Variants in RIIAD1 observed in about 807,000 individuals in gnomAD.
The protein encoded by RIIAD1 is regulatory subunit of type II PKA R-subunit domain containing 1, also known as RIIa domain-containing protein 1.
A neutral mutation model predicts 13.3 loss-of-function variants in RIIAD1; 15 were observed. The observed-to-expected ratio is 1.13, with a 90% CI of 0.76 to 1.74. RIIAD1 has a LOEUF of 1.74. RIIAD1 is among the 40% of genes most tolerant of loss of function. RIIAD1 has a pLI of 0.00. For synonymous variants in RIIAD1, 50 were observed against 43.3 expected (o/e 1.16, Z -0.61); for missense variants, 121 against 112.2 (o/e 1.08, Z -0.35).
intron 4 of RIIAD1, chr1:151,714,550 A>T (rs1673301837): frequency 6.9e-7 from 1 of 1,442,494 alleles, no homozygotes; most frequent in African/African-American, 1.4e-5. Context: ...TGCCACTTCT[A>T]TGGCCCTTCT....
At chr1:151,722,307 A>G in intron 2 of RIIAD1, 145 bp downstream of exon 2, 1 of 617,890 alleles carries the variant, frequency 1.6e-6, no homozygotes, top group Non-Finnish European at 2.9e-6. Flanking sequence ...ACCTTATGAC[A>G]CTTGGAAGAG....
At chr1:151,717,501 G>C (rs1409881819), upstream of RIIAD1, among the ~76,000 whole-genome samples, 3 of 152,364 alleles carry the variant, frequency 2.0e-5, no homozygotes, top group East Asian at 5.8e-4. Context: ...CGGAGGCGGC[G>C]CCGCGGGCGC....
chr1:151,716,001 A>G, intron 4 of RIIAD1: 1 of 1,613,546 alleles, frequency 6.2e-7, no homozygotes, highest in Non-Finnish European at 8.5e-7. Flanking sequence ...AAACAGCTTG[A>G]TGGCATCCGG....
At chr1:151,722,884 T>C (rs934788798) in intron 2 of RIIAD1, among the ~76,000 whole-genome samples, 1 of 152,228 alleles carries the variant, frequency 6.6e-6, no homozygotes, top group African/African-American at 2.4e-5. Flanking sequence ...ACACTTTTGC[T>C]GATCCTCCCA....
intron 2 of RIIAD1, among the ~76,000 whole-genome samples, chr1:151,722,706 A>T (rs1673760141): frequency 6.6e-6 from 1 of 152,252 alleles, no homozygotes; most frequent in African/African-American, 2.4e-5. Flanking sequence ...GACAAGGTTT[A>T]AATAATTATA....
intron 2 of RIIAD1, chr1:151,712,053 C>G (rs1378578862): frequency 1.3e-5 from 2 of 152,596 alleles, no homozygotes; most frequent in Admixed American, 1.3e-4. Flanking sequence ...GTGTCCCCTT[C>G]CCAGCCTCCT....
upstream of RIIAD1, chr1:151,721,443 C>T (rs1338689029): frequency 1.4e-6 from 1 of 699,306 alleles, no homozygotes; most frequent in Non-Finnish European, 2.0e-6. Context: ...CCCCTAGCCC[C>T]TGCTTCGCTG....
intron 2 of RIIAD1, among the ~76,000 whole-genome samples, chr1:151,727,340 C>T (rs966139773): frequency 2.6e-5 from 4 of 152,164 alleles, no homozygotes; most frequent in African/African-American, 7.2e-5. Context: ...AGCTCTTTCT[C>T]GACGTAAGCA....
In RIIAD1 at chr1:151,728,890, C is replaced by T. The variant is rs183409648; in HGVS notation, c.*54C>T. On this transcript the variant is annotated 3_prime_UTR_variant, in exon 4 of 5. Transcript: ENST00000479191. ...GGAGAGACCAGACGGAATCCAGCCT[C>T]GGGGTGGGTGTTAACCTCACTTACA... 46 of 1,009,206 alleles carry T rather than the reference C, an allele frequency of 4.6e-5. No individual in the cohort carries two copies. The African/African-American group carries it at 6.2e-4, about 14-fold the overall frequency. 62.5% of individuals were successfully genotyped at this position (1,009,206 alleles called of 1,614,324 possible).
At chr1:151,714,196 C>T (rs1673264516) in intron 3 of RIIAD1, among the ~76,000 whole-genome samples, 1 of 152,164 alleles carries the variant, frequency 6.6e-6, no homozygotes, top group African/African-American at 2.4e-5. Context: ...CCTCATCTCA[C>T]AGCCACCCAG....
intron 4 of RIIAD1, chr1:151,716,176 T>C (rs944386248): frequency 1.4e-6 from 1 of 708,138 alleles, no homozygotes; most frequent in African/African-American, 1.8e-5. Flanking sequence ...GAGGGGCGGC[T>C]CTTCACACAA....
At chr1:151,716,100 G>T in intron 4 of RIIAD1, 1 of 1,450,574 alleles carries the variant, frequency 6.9e-7, no homozygotes, top group Non-Finnish European at 9.2e-7. Context: ...AAGGAGATAA[G>T]TGGTGGGGCC....
In RIIAD1 at chr1:151,722,128, A is replaced by G; in HGVS notation, c.127A>G (p.Lys43Glu). Reference protein sequence around the residue: ...IANEKYLRTHKEVEWLISGFF... With the variant: ...IANEKYLRTHEEVEWLISGFF... ...TAACGAAAAGTACCTAAGGACCCACAAAGAAGTAGAGTGGCTCATAAGTGG... is the reference window on the plus strand; with the variant it reads ...TAACGAAAAGTACCTAAGGACCCACGAAGAAGTAGAGTGGCTCATAAGTGG... Residue 43 changes from lysine to glutamate, a missense_variant, in exon 2 of 5, where the codon AAA becomes GAA. By Grantham distance (56) the Lys-to-Glu change is moderately conservative. Coordinates refer to ENST00000479191, the MANE Select transcript of RIIAD1 (RefSeq NM_001144956.3). The G allele has an allele frequency of 6.4e-7, 1 of 1,551,368 alleles. No individual in the cohort carries two copies.
rs1647256113 is a variant in RIIAD1, at chr1:151,728,972, G to A, written c.*57+79G>A. On this transcript the variant is annotated intron_variant, in intron 4 of 4. Transcript: ENST00000479191. ...GCTCTGGTTTATTGGTCCAGGGTGT[G>A]AAAGAAATCAAGTGGAGAATTTAAA... The A allele has an allele frequency of 1.4e-5, 9 of 631,754 alleles. No individual in the cohort carries two copies. In the South Asian group the frequency reaches 1.7e-4, roughly 12 times the overall value. 39.1% of individuals were successfully genotyped at this position (631,754 alleles called of 1,614,324 possible). A position where few individuals can be genotyped will look rare whatever the true frequency, so the allele number is the denominator to read the frequency against.
chr1:151,713,773 C>T (rs183138677), intron 3 of RIIAD1, among the ~76,000 whole-genome samples: 3 of 152,258 alleles, frequency 2.0e-5, no homozygotes, highest in East Asian at 3.9e-4. Flanking sequence ...CTTTGGTGGG[C>T]GTGGGGGTTT....
At chr1:151,720,481 C>T (rs1374015977), upstream of RIIAD1, among the ~76,000 whole-genome samples, 1 of 152,206 alleles carries the variant, frequency 6.6e-6, no homozygotes, top group Non-Finnish European at 1.5e-5. Context: ...TGGCTTGTAG[C>T]CCACTACCTA....
chr1:151,715,479 A>C, intron 4 of RIIAD1: 1 of 586,372 alleles, frequency 1.7e-6, no homozygotes, highest in Non-Finnish European at 2.9e-6. Context: ...CCCCCATCCC[A>C]ATATTATCTG....
In RIIAD1 at chr1:151,716,256, T is replaced by C. The variant is rs1673471946; in HGVS notation, c.21+1727T>C. ...GACGCTGTCATGCCACCAGGGGGCATCGCCTAAACAAACGATCTCCCTCCC... is the reference window on the plus strand; with the variant it reads ...GACGCTGTCATGCCACCAGGGGGCACCGCCTAAACAAACGATCTCCCTCCC... On this transcript the variant is annotated intron_variant, in intron 4 of 8. Coordinates refer to the RIIAD1 transcript ENST00000326413. 16 of 482,202 alleles carry C rather than the reference T, an allele frequency of 3.3e-5. No homozygotes were observed. The South Asian group carries it at 6.3e-4, about 19-fold the overall frequency. The allele number at this position is 482,202 out of a possible 1,614,324, so 29.9% of individuals were successfully genotyped here.
At chr1:151,720,677 C>T (rs761529032), upstream of RIIAD1, among the ~76,000 whole-genome samples, 6 of 152,324 alleles carry the variant, frequency 3.9e-5, no homozygotes, top group Non-Finnish European at 8.8e-5. Context: ...TCTGAAAAGA[C>T]AGCCTCCCTT....
Sources: gnomAD v4.1 joint callset for allele counts (sites outside exome capture counted in the v4.1 genomes callset) on GRCh38, gnomAD v4.1.1 for gene constraint, MANE v1.5 for transcripts, NCBI Gene and HGNC (gene_info 2026-07-23, HGNC 2026-07-21) for gene names.